The following EXPH5 variants were observed in gnomAD, a reference collection of about 807,000 sequenced individuals.
The protein encoded by EXPH5 is exophilin 5.
Under a neutral mutation model 41.1 loss-of-function variants are expected in EXPH5, and 42 were observed. That is an observed-to-expected ratio of 1.02 (90% confidence interval 0.80 to 1.32). EXPH5 has a LOEUF of 1.32. EXPH5 is among the 40% of genes most tolerant of loss of function. The pLI is 0.00. For missense variants in EXPH5, 2,298 were observed against 2,314.5 expected (o/e 0.99, Z 0.15); for synonymous variants, 798 against 833.5 (o/e 0.96, Z 0.73).
chr11:108,539,317 T>C (rs914512962), intron 2 of EXPH5, 131 bp from the exon 3 acceptor site: 2 of 626,046 alleles, frequency 3.2e-6, no homozygotes, highest in Non-Finnish European at 5.4e-6. Flanking sequence ...CAACCTCACA[T>C]GAAGACCTCA....
chr11:108,557,504 T>C (rs1314638888), intron 1 of EXPH5, among the ~76,000 whole-genome samples: 1 of 152,080 alleles, frequency 6.6e-6, no homozygotes, highest in African/African-American at 2.4e-5. Flanking sequence ...TGCCACCACA[T>C]CTGGCTAATT....
chr11:108,582,669 C>T (rs754919516), intron 1 of EXPH5, among the ~76,000 whole-genome samples: 13 of 152,164 alleles, frequency 8.5e-5, no homozygotes, highest in Non-Finnish European at 1.2e-4. Context: ...GCACATTGAG[C>T]GACTTGAACA....
chr11:108,513,458 C>CAG lies in EXPH5; in HGVS notation c.2047_2048dup (p.Pro684CysfsTer15). 4 of 1,613,488 alleles carry CAG rather than the reference C, an allele frequency of 2.5e-6. No individual in the cohort carries two copies. The highest frequency in any genetic ancestry group is 3.4e-6 in the Non-Finnish European group (4 of 1,179,670). On this transcript the variant is annotated frameshift_variant, in exon 6 of 6. Coordinates refer to ENST00000265843, the MANE Select transcript of EXPH5 (RefSeq NM_015065.3). LOFTEE classifies it low-confidence loss of function (END_TRUNC). ...TATTGGGCTGGCTTTTGGCAAGAGG[C>CAG]AGAGAGTCAACTGAATTGCTGCTGG...
At chr11:108,533,322 G>A (rs2093856076) in intron 3 of EXPH5, among the ~76,000 whole-genome samples, 1 of 151,954 alleles carries the variant, frequency 6.6e-6, no homozygotes, top group African/African-American at 2.4e-5. Context: ...TCCTGCCTCA[G>A]CCTCCCAAGT....
intron 1 of EXPH5, among the ~76,000 whole-genome samples, chr11:108,573,198 A>AAGAAAGAG (rs1456627760): frequency 0.016 from 1,732 of 108,228 alleles, 26 homozygotes; most frequent in African/African-American, 0.031. Context: ...GAAAGAAAGA[A>AAGAAAGAG]AAAGAAAGAA....
intron 1 of EXPH5, among the ~76,000 whole-genome samples, chr11:108,562,514 T>A (rs1488958235): frequency 1.3e-5 from 2 of 151,486 alleles, no homozygotes; most frequent in Admixed American, 6.6e-5. Context: ...GAGGCTGAGG[T>A]GGAAGAATTG....
At chr11:108,582,724 G>A (rs1162894991) in intron 1 of EXPH5, among the ~76,000 whole-genome samples, 2 of 152,162 alleles carry the variant, frequency 1.3e-5, no homozygotes, top group Non-Finnish European at 2.9e-5. Context: ...CAAGGTGCTG[G>A]CAGGGCCATG....
chr11:108,562,265 GTTTTT>G (rs35527615), intron 1 of EXPH5, among the ~76,000 whole-genome samples: 1 of 104,602 alleles, frequency 9.6e-6, no homozygotes, highest in Non-Finnish European at 2.2e-5. Flanking sequence ...TTTTTTCTGT[GTTTTT>G]TTTTTTTTTT....
At chr11:108,525,858 T>G (rs184570024) in intron 4 of EXPH5, among the ~76,000 whole-genome samples, 15 of 152,078 alleles carry the variant, frequency 9.9e-5, no homozygotes, top group African/African-American at 3.4e-4. Flanking sequence ...AATTTAGAGA[T>G]AGTGCTTTCA....
intron 1 of EXPH5, among the ~76,000 whole-genome samples, chr11:108,592,426 C>G (rs1325370346): frequency 6.6e-6 from 1 of 152,068 alleles, no homozygotes; most frequent in Non-Finnish European, 1.5e-5. Context: ...ACCTGGAACT[C>G]GCATTAGCAA....
intron 3 of EXPH5, among the ~76,000 whole-genome samples, 166 bp downstream of exon 3, chr11:108,538,858 C>T (rs964137952): frequency 7.2e-5 from 11 of 152,212 alleles, no homozygotes; most frequent in African/African-American, 2.7e-4. Flanking sequence ...TCATGGTTTC[C>T]TAAGAACTTT....
Position 108,509,408 on chromosome 11 carries a change from G to C in EXPH5, c.*129C>G, listed in dbSNP as rs925949041. 6 of 800,876 alleles carry C rather than the reference G, an allele frequency of 7.5e-6. No homozygotes were observed. In the African/African-American group the frequency reaches 1.0e-4, roughly 14 times the overall value. The allele number at this position is 800,876 out of a possible 1,614,324, so 49.6% of individuals were successfully genotyped here. A position where few individuals can be genotyped will look rare whatever the true frequency, so the allele number is the denominator to read the frequency against. On this transcript the variant is annotated 3_prime_UTR_variant, in exon 6 of 6. Transcript: ENST00000265843. ...ATAGGGTGTGGAGGAAAAAAAAGGA[G>C]ATGTGGGACATTTCAGAGCAGACAC...
In EXPH5 at chr11:108,564,170, C is replaced by A. The variant is rs543661219; in HGVS notation, c.120-22358G>T. ...GGGCATGGTGGTGGGCATCTGTAAC[C>A]CCAGTTATTCAGGAGGCTGAGGCAG... On this transcript the variant is annotated intron_variant, in intron 1 of 5. Coordinates refer to ENST00000265843, the MANE Select transcript of EXPH5 (RefSeq NM_015065.3). Among the ~76,000 whole-genome samples, 3 of 152,060 alleles carry A rather than the reference C, an allele frequency of 2.0e-5. No homozygotes were observed. In the South Asian group the frequency reaches 6.3e-4, roughly 32 times the overall value.
chr11:108,600,197 G>A, the EXPH5 span, among the ~76,000 whole-genome samples: 2 of 152,194 alleles, frequency 1.3e-5, no homozygotes, highest in Admixed American at 6.5e-5. Context: ...CAGAATGAAA[G>A]GAGTGAGATT....
At chr11:108,528,456 A>C (rs1051896983) in intron 3 of EXPH5, among the ~76,000 whole-genome samples, 9 of 152,228 alleles carry the variant, frequency 5.9e-5, no homozygotes, top group Non-Finnish European at 1.2e-4. Flanking sequence ...ACAACATGAC[A>C]CATAAAATAT....
chr11:108,513,104 G>C lies in EXPH5; in HGVS notation c.2403C>G (p.Asn801Lys). The change falls in exon 6 of 6, where the codon AAC becomes AAG. Residue 801 changes from asparagine to lysine, a missense_variant. By Grantham distance (94) the Asn-to-Lys change is moderately conservative. Coordinates refer to ENST00000265843, the MANE Select transcript of EXPH5 (RefSeq NM_015065.3). ...DIKQDKRFTENRKLGSTASLP... is the reference protein window; with the variant it reads ...DIKQDKRFTEKRKLGSTASLP... ...GGGAAGCTGTTGAGCCAAGTTTTCT[G>C]TTTTCAGTAAACCTCTTATCTTGTT... is the stretch of plus-strand genomic sequence containing the variant. The C allele has an allele frequency of 1.2e-6, 2 of 1,610,734 alleles. No individual in the cohort carries two copies. Among genetic ancestry groups the C allele is most frequent in the Non-Finnish European group, 1.7e-6 (2 of 1,179,126 alleles).
intron 1 of EXPH5, among the ~76,000 whole-genome samples, chr11:108,552,593 C>T (rs931887815): frequency 6.6e-6 from 1 of 152,176 alleles, no homozygotes; most frequent in Non-Finnish European, 1.5e-5. Flanking sequence ...AGACTGCCTA[C>T]TCTACGATAA....
chr11:108,543,940 T>C (rs1043530742), intron 1 of EXPH5, among the ~76,000 whole-genome samples: 4 of 152,188 alleles, frequency 2.6e-5, no homozygotes, highest in African/African-American at 9.7e-5. Context: ...CTAACCAATA[T>C]TGGCTGCCTC....
At chr11:108,606,512 A>G in the EXPH5 span, among the ~76,000 whole-genome samples, 3 of 152,182 alleles carry the variant, frequency 2.0e-5, no homozygotes, top group Non-Finnish European at 4.4e-5. Context: ...CACACAATTT[A>G]ATATCAACTT....
Sources: gnomAD v4.1 joint callset for allele counts (sites outside exome capture counted in the v4.1 genomes callset) on GRCh38, gnomAD v4.1.1 for gene constraint, MANE v1.5 for transcripts, NCBI Gene and HGNC (gene_info 2026-07-23, HGNC 2026-07-21) for gene names.